The following FMN1 variants were observed in gnomAD, a reference collection of about 807,000 sequenced individuals.
FMN1 encodes the protein formin 1, also known as formin-1.
In FMN1, 110 loss-of-function variants were observed where a neutral mutation model predicts 132.4. The observed-to-expected ratio is 0.83, with a 90% confidence interval of 0.71 to 0.97. FMN1 has a LOEUF of 0.97. Among genes scored for constraint, FMN1 ranks in the 50% least tolerant of loss-of-function variants. FMN1 has a pLI of 0.00. For synonymous variants in FMN1, 722 were observed against 651.7 expected, an observed-to-expected ratio of 1.11 and a Z score of -1.64; for missense variants, 1,792 against 1,705.3, an observed-to-expected ratio of 1.05 and a Z score of -0.90.
At position 32,901,271 on chromosome 15, in the gene FMN1, A is replaced by T. The variant is rs910244311; in HGVS notation, c.3507+640T>A. 6.6e-5 allele frequency among the ~76,000 whole-genome samples: 10 copies of T among 152,322 alleles called. No homozygotes were observed. The South Asian group carries it at 1.7e-3, about 25-fold the overall frequency. On this transcript the variant is annotated intron_variant, in intron 13 of 20. Coordinates refer to ENST00000616417, the MANE Select transcript of FMN1 (RefSeq NM_001277313.2). ...GTATAATTATATTTCAGTAATATTT[A>T]TTCTCTACTGAAATATCTCATATCT...
chr15:33,165,649 C>A (rs1202432274), intron 3 of FMN1, among the ~76,000 whole-genome samples: 1 of 152,272 alleles, frequency 6.6e-6, no homozygotes, highest in African/African-American at 2.4e-5. Context: ...CCTCGGCCTC[C>A]CAAAGTGCTG....
intron 17 of FMN1, among the ~76,000 whole-genome samples, chr15:32,841,224 A>G (rs1358762806): frequency 6.6e-6 from 1 of 152,176 alleles, no homozygotes; most frequent in African/African-American, 2.4e-5. Context: ...TCCATTTAAT[A>G]TGTTTGAGAA....
At chr15:33,114,460 G>C (rs1438452134) in intron 4 of FMN1, among the ~76,000 whole-genome samples, 5 of 152,250 alleles carry the variant, frequency 3.3e-5, no homozygotes, top group Admixed American at 1.3e-4. Flanking sequence ...TGGAATGTGT[G>C]GCCAGTGGAT....
At chr15:32,813,650 C>T (rs985010972) in intron 17 of FMN1, among the ~76,000 whole-genome samples, 1 of 152,176 alleles carries the variant, frequency 6.6e-6, no homozygotes, top group African/African-American at 2.4e-5. Flanking sequence ...TACCTGTATG[C>T]AGAAACATCT....
intron 9 of FMN1, among the ~76,000 whole-genome samples, chr15:32,943,479 C>T (rs1332170327): frequency 6.6e-6 from 1 of 152,180 alleles, no homozygotes; most frequent in African/African-American, 2.4e-5. Flanking sequence ...GATGACAAGT[C>T]AGCTTGTCTT....
intron 6 of FMN1, among the ~76,000 whole-genome samples, chr15:33,055,253 C>T (rs924798453): frequency 1.3e-5 from 2 of 152,202 alleles, no homozygotes; most frequent in African/African-American, 4.8e-5. Flanking sequence ...GTAACTCTTT[C>T]AACCAATTGC....
chr15:33,041,141 G>GAAA (rs34385804), intron 6 of FMN1, among the ~76,000 whole-genome samples: 2 of 148,982 alleles, frequency 1.3e-5, no homozygotes, highest in Non-Finnish European at 3.0e-5. Flanking sequence ...TAAACAGATT[G>GAAA]AAAAAAAAAA....
intron 17 of FMN1, among the ~76,000 whole-genome samples, chr15:32,823,681 T>C (rs1596015286): frequency 6.6e-6 from 1 of 152,220 alleles, no homozygotes; most frequent in African/African-American, 2.4e-5. Flanking sequence ...AGTAGCAATT[T>C]TACTATTATC....
At chr15:33,144,665 C>T (rs1052427881) in intron 4 of FMN1, among the ~76,000 whole-genome samples, 5 of 144,346 alleles carry the variant, frequency 3.5e-5, no homozygotes, top group Non-Finnish European at 7.6e-5. Flanking sequence ...AAGAGAAATC[C>T]AATATTAACC....
intron 4 of FMN1, among the ~76,000 whole-genome samples, chr15:33,127,360 A>G (rs1023420396): frequency 9.9e-5 from 15 of 152,144 alleles, no homozygotes; most frequent in African/African-American, 3.6e-4. Context: ...AAATAACTTG[A>G]CTCTGTTCAT....
At chr15:32,998,560 C>T (rs570954358) in intron 7 of FMN1, among the ~76,000 whole-genome samples, 2 of 152,232 alleles carry the variant, frequency 1.3e-5, no homozygotes, top group South Asian at 2.1e-4. Context: ...TTGAGTGAGG[C>T]AGGACAAGTC....
intron 4 of FMN1, among the ~76,000 whole-genome samples, chr15:33,092,305 A>G (rs1333066438): frequency 6.6e-6 from 1 of 152,212 alleles, no homozygotes; most frequent in Non-Finnish European, 1.5e-5. Context: ...GGCAGTGTCC[A>G]CAGCTCATCT....
intron 12 of FMN1, among the ~76,000 whole-genome samples, chr15:32,902,489 A>T (rs572270494): frequency 1.3e-4 from 6 of 47,454 alleles, no homozygotes; most frequent in East Asian, 9.4e-4. Flanking sequence ...CAAGTGATTT[A>T]AAAAAAAATC....
intron 6 of FMN1, chr15:33,012,153 A>T: frequency 1.9e-6 from 1 of 514,538 alleles, no homozygotes; most frequent in South Asian, 1.9e-5. Flanking sequence ...AAGGGCCTGA[A>T]CAGCTGTGGA....
At chr15:33,175,208 G>T (rs113888563) in intron 3 of FMN1, among the ~76,000 whole-genome samples, 7,211 of 151,964 alleles carry the variant, frequency 0.047, 214 homozygotes, top group East Asian at 0.12. Flanking sequence ...TTTTTGTTTG[G>T]TTGGTTGGTT....
chr15:32,832,072 C>T (rs1486060954), intron 17 of FMN1, among the ~76,000 whole-genome samples: 1 of 152,150 alleles, frequency 6.6e-6, no homozygotes, highest in African/African-American at 2.4e-5. Flanking sequence ...TGATTTGAAA[C>T]ATAAACTCAG....
intron 11 of FMN1, among the ~76,000 whole-genome samples, chr15:32,909,812 A>G (rs114071074): frequency 0.011 from 1,701 of 152,222 alleles, 31 homozygotes; most frequent in African/African-American, 0.039. Context: ...CAAAAACCTT[A>G]TATGTGTACA....
chr15:33,143,534 G>A (rs1279317497), intron 4 of FMN1, among the ~76,000 whole-genome samples: 1 of 152,094 alleles, frequency 6.6e-6, no homozygotes, highest in Admixed American at 6.6e-5. Context: ...AAAATAAAGA[G>A]ACATCTGTTT....
intron 10 of FMN1, among the ~76,000 whole-genome samples, chr15:32,922,297 C>T (rs1257145397): frequency 6.6e-6 from 1 of 152,122 alleles, no homozygotes; most frequent in African/African-American, 2.4e-5. Flanking sequence ...GCATTCTGAT[C>T]CTATCTAGTT....
Sources: gnomAD v4.1 joint callset for allele counts (sites outside exome capture counted in the v4.1 genomes callset) on GRCh38, gnomAD v4.1.1 for gene constraint, MANE v1.5 for transcripts, NCBI Gene and HGNC (gene_info 2026-07-23, HGNC 2026-07-21) for gene names.